CSMD1: variants seen among roughly 807,000 people sequenced by gnomAD.
CSMD1 encodes CUB and sushi domain-containing protein 1.
CSMD1 carries 213 observed loss-of-function variants against 417.5 expected under a neutral mutation model. The observed-to-expected ratio is 0.51, with a 90% CI of 0.46 to 0.57. The LOEUF is 0.57. CSMD1 is among the 20% of genes least tolerant of loss of function. The probability of loss-of-function intolerance (pLI) is 0.00; values close to 1 mark genes in which losing one functional copy is unlikely to be tolerated. For synonymous variants in CSMD1, 2,862 were observed against 1,736.8 expected, an observed-to-expected ratio of 1.65 and a Z score of -16.11; for missense variants, 6,923 against 4,529.7, an observed-to-expected ratio of 1.53 and a Z score of -15.17.
At chr8:4,691,433 T>G (rs1414753141) in intron 1 of CSMD1, among the ~76,000 whole-genome samples, 1 of 152,242 alleles carries the variant, frequency 6.6e-6, no homozygotes, top group Admixed American at 6.5e-5. Flanking sequence ...TATATTCATC[T>G]TGATAACATC....
chr8:2,936,293 G>A lies in CSMD1; in HGVS notation c.*2292C>T, dbSNP rs1251407835. 6.6e-6 allele frequency: 1 copy of A among 151,778 alleles called. No homozygotes were observed. Among genetic ancestry groups the A allele is most frequent in the Non-Finnish European group, 1.5e-5 (1 of 67,996 alleles). 9.4% of individuals were successfully genotyped at this position (151,778 alleles called of 1,614,324 possible). ...TGACCAGGGAGCAGGTCAGGGATAT[G>A]GGAACAGAGATGTTAATTCAGACTC... On this transcript the variant is annotated 3_prime_UTR_variant, in exon 70 of 70. Coordinates refer to ENST00000635120, the MANE Select transcript of CSMD1 (RefSeq NM_033225.6).
At chr8:4,734,650 T>G (rs1810112440) in intron 1 of CSMD1, among the ~76,000 whole-genome samples, 1 of 152,218 alleles carries the variant, frequency 6.6e-6, no homozygotes, top group Non-Finnish European at 1.5e-5. Flanking sequence ...ACTTTTTTTA[T>G]TTTAACAATG....
rs139682980 is a variant in CSMD1, at chr8:4,144,241, G to A, written c.416-112142C>T. On this transcript the variant is annotated intron_variant, in intron 3 of 69. Transcript: ENST00000635120. Reference sequence around the variant, plus strand: ...TTCCTTGATTCAGCACAAACTGGCCGTAAGTTCCCTGCCTCAAGACCTTAT... The same window carrying A: ...TTCCTTGATTCAGCACAAACTGGCCATAAGTTCCCTGCCTCAAGACCTTAT... Among the ~76,000 whole-genome samples, 478 of 150,990 alleles carry A rather than the reference G, an allele frequency of 3.2e-3. 27 individuals carry two copies. Among genetic ancestry groups the A allele is most frequent in the African/African-American group, 9.8e-3 (397 of 40,402 alleles).
chr8:3,106,840 G>C (rs1391567371), intron 45 of CSMD1, 199 bp from the exon 46 acceptor site: 1 of 443,598 alleles, frequency 2.3e-6, no homozygotes, highest in Non-Finnish European at 4.0e-6. Flanking sequence ...ATTAAGCTTA[G>C]CCGATATTAG....
chr8:4,776,146 T>C (rs1796842392), intron 1 of CSMD1, among the ~76,000 whole-genome samples: 1 of 151,840 alleles, frequency 6.6e-6, no homozygotes, highest in African/African-American at 2.4e-5. Flanking sequence ...AACACCAAGG[T>C]GAAGAAGAGA....
chr8:3,838,769 A>C (rs1481401708), intron 5 of CSMD1, among the ~76,000 whole-genome samples: 3 of 108,106 alleles, frequency 2.8e-5, no homozygotes, highest in Non-Finnish European at 3.4e-5. Flanking sequence ...ATATAGTATA[A>C]TATATAATAA....
At chr8:3,624,923 C>A (rs1014413499) in intron 7 of CSMD1, among the ~76,000 whole-genome samples, 1 of 152,088 alleles carries the variant, frequency 6.6e-6, no homozygotes, top group Non-Finnish European at 1.5e-5. Context: ...CTTTGTCATG[C>A]CACACCCTTC....
At position 4,175,511 on chromosome 8, in the gene CSMD1, A is replaced by G. The variant is rs1244926929; in HGVS notation, c.416-143412T>C. On this transcript the variant is annotated intron_variant, in intron 3 of 69. Coordinates refer to ENST00000635120, the MANE Select transcript of CSMD1 (RefSeq NM_033225.6). Reference sequence around the variant, plus strand: ...TTTTCTTAAAACATTACACAAAGACAACTGATAGAAGCCCAATGGATAAAT... The same window carrying G: ...TTTTCTTAAAACATTACACAAAGACGACTGATAGAAGCCCAATGGATAAAT... 2.6e-5 allele frequency among the ~76,000 whole-genome samples: 4 copies of G among 152,300 alleles called. No homozygotes were observed. The East Asian group carries it at 5.8e-4, about 22-fold the overall frequency.
At chr8:4,875,368 G>C (rs1303995725) in intron 1 of CSMD1, among the ~76,000 whole-genome samples, 2 of 152,048 alleles carry the variant, frequency 1.3e-5, no homozygotes, top group Admixed American at 6.6e-5. Flanking sequence ...AAAGTGACTT[G>C]TTTTCTTCTA....
At chr8:4,029,786 A>C (rs1797247694) in intron 4 of CSMD1, among the ~76,000 whole-genome samples, 1 of 152,194 alleles carries the variant, frequency 6.6e-6, no homozygotes, top group African/African-American at 2.4e-5. Context: ...AGACAAAACA[A>C]GTATCTTCCT....
chr8:4,094,009 G>A (rs551843606), intron 3 of CSMD1, among the ~76,000 whole-genome samples: 2,133 of 148,426 alleles, frequency 0.014, 28 homozygotes, highest in Non-Finnish European at 0.019. Context: ...TAGATAGATA[G>A]ATAAAGAAAA....
chr8:4,339,724 G>A (rs564581217), intron 3 of CSMD1, among the ~76,000 whole-genome samples: 3 of 152,044 alleles, frequency 2.0e-5, no homozygotes, highest in Admixed American at 6.6e-5. Context: ...GAAAGAGGAC[G>A]GTATACGAAG....
chr8:4,231,662 A>G (rs928797995), intron 3 of CSMD1, among the ~76,000 whole-genome samples: 1 of 152,212 alleles, frequency 6.6e-6, no homozygotes, highest in Non-Finnish European at 1.5e-5. Context: ...TAAGTAGGCT[A>G]TTAACTACAA....
At chr8:3,464,922 A>AT (rs1403224128) in intron 12 of CSMD1, among the ~76,000 whole-genome samples, 5 of 151,786 alleles carry the variant, frequency 3.3e-5, no homozygotes, top group African/African-American at 9.7e-5. Flanking sequence ...TAAACTTTGC[A>AT]TTTTTTTCCC....
chr8:4,047,518 GTCAT>G (rs146701323), intron 3 of CSMD1, among the ~76,000 whole-genome samples: 4 of 40,998 alleles, frequency 9.8e-5, no homozygotes, highest in Non-Finnish European at 2.7e-4. Context: ...ATTGTGATAT[GTCAT>G]TCATTCATTC....
intron 3 of CSMD1, among the ~76,000 whole-genome samples, chr8:4,227,341 C>G (rs559510407): frequency 6.6e-6 from 1 of 152,100 alleles, no homozygotes; most frequent in Non-Finnish European, 1.5e-5. Flanking sequence ...CCCTGCCTGT[C>G]CTAATAAGAG....
At chr8:4,100,596 C>G (rs1312174494) in intron 3 of CSMD1, among the ~76,000 whole-genome samples, 4 of 152,076 alleles carry the variant, frequency 2.6e-5, no homozygotes, top group African/African-American at 7.2e-5. Flanking sequence ...GTGGTAAGAG[C>G]TCAAAATATA....
intron 3 of CSMD1, among the ~76,000 whole-genome samples, chr8:4,288,085 A>G (rs1313340841): frequency 2.0e-5 from 3 of 152,172 alleles, no homozygotes; most frequent in Non-Finnish European, 4.4e-5. Context: ...ACTTTTACTG[A>G]GCCTTAGTTT....
chr8:4,616,156 C>T (rs1042751130), intron 2 of CSMD1, among the ~76,000 whole-genome samples: 2 of 152,106 alleles, frequency 1.3e-5, no homozygotes, highest in Non-Finnish European at 2.9e-5. Context: ...AATAAATGAA[C>T]AGATCCCATA....
Sources: gnomAD v4.1 joint callset for allele counts (sites outside exome capture counted in the v4.1 genomes callset) on GRCh38, gnomAD v4.1.1 for gene constraint, MANE v1.5 for transcripts, NCBI Gene and HGNC (gene_info 2026-07-23, HGNC 2026-07-21) for gene names.